B3GALNT2: variants seen among roughly 807,000 people sequenced by gnomAD.
The protein encoded by B3GALNT2 is beta-1,3-N-acetylgalactosaminyltransferase 2, also known as UDP-GalNAc:beta-1,3-N-acetylgalactosaminyltransferase 2.
Under a neutral mutation model 61.1 loss-of-function variants are expected in B3GALNT2, and 53 were observed. That is an observed-to-expected ratio of 0.87 (90% CI 0.70 to 1.09). The LOEUF (loss-of-function observed/expected upper bound fraction) is 1.09, where lower values mean the gene tolerates loss of function less well. B3GALNT2 is among the 50% of genes least tolerant of loss of function. B3GALNT2 has a pLI of 0.00. For synonymous variants in B3GALNT2, 223 were observed against 237.4 expected, an observed-to-expected ratio of 0.94 and a Z score of 0.56; for missense variants, 544 against 623.0, an observed-to-expected ratio of 0.87 and a Z score of 1.35.
intron 5 of B3GALNT2, among the ~76,000 whole-genome samples, chr1:235,472,674 T>C (rs1558423125): frequency 6.6e-6 from 1 of 152,178 alleles, no homozygotes; most frequent in South Asian, 2.1e-4. Flanking sequence ...GAATAAATAA[T>C]GTTGAACTAA....
At chr1:235,502,902 C>T (rs1337782483) in intron 1 of B3GALNT2, among the ~76,000 whole-genome samples, 1 of 152,208 alleles carries the variant, frequency 6.6e-6, no homozygotes, top group Non-Finnish European at 1.5e-5. Flanking sequence ...ACCTAAAAAA[C>T]ACTGAGCAAA....
In B3GALNT2 at chr1:235,454,976, C is replaced by CG. The variant is rs534298824; in HGVS notation, c.1151+582_1151+583insC. On this transcript the variant is annotated intron_variant, in intron 9 of 11. Coordinates refer to ENST00000366600, the MANE Select transcript of B3GALNT2 (RefSeq NM_152490.5). ...TTCAGAGACGTGTCACAAACGTACT[C>CG]TAACAAAATATACAGTAGCTTCTAA... 2.3e-3 allele frequency among the ~76,000 whole-genome samples: 349 copies of CG among 152,240 alleles called. 1 individual carries two copies. The Middle Eastern group carries it at 0.024, about 10-fold the overall frequency.
the B3GALNT2 span, among the ~76,000 whole-genome samples, chr1:235,440,178 G>A: frequency 6.6e-6 from 1 of 152,098 alleles, no homozygotes; most frequent in Non-Finnish European, 1.5e-5. Context: ...CACCGTGTTA[G>A]CCAGGATGGT....
At chr1:235,440,400 A>G in the B3GALNT2 span, among the ~76,000 whole-genome samples, 1 of 151,422 alleles carries the variant, frequency 6.6e-6, no homozygotes, top group Non-Finnish European at 1.5e-5. Context: ...GTATATATAT[A>G]TATTTTTTTG....
chr1:235,503,997 T>G, intron 1 of B3GALNT2, 144 bp downstream of exon 1: 1 of 930,970 alleles, frequency 1.1e-6, no homozygotes, highest in East Asian at 3.9e-5. Flanking sequence ...GCTCCAAGGA[T>G]GAAAAGAGCC....
intron 7 of B3GALNT2, among the ~76,000 whole-genome samples, chr1:235,460,859 C>G (rs1277385860): frequency 6.6e-6 from 1 of 151,954 alleles, no homozygotes; most frequent in Non-Finnish European, 1.5e-5. Flanking sequence ...AGTTCTGGGA[C>G]TACAGGCGAG....
the B3GALNT2 span, among the ~76,000 whole-genome samples, chr1:235,440,171 C>T: frequency 9.9e-5 from 15 of 152,216 alleles, no homozygotes; most frequent in East Asian, 1.9e-4. Context: ...GGGGTTTCAC[C>T]GTGTTAGCCA....
chr1:235,471,296 A>G (rs1683996545), intron 5 of B3GALNT2, among the ~76,000 whole-genome samples: 1 of 152,130 alleles, frequency 6.6e-6, no homozygotes, highest in South Asian at 2.1e-4. Context: ...GAGCAGATAC[A>G]CCCTGATTTA....
intron 6 of B3GALNT2, among the ~76,000 whole-genome samples, chr1:235,468,809 A>G (rs991219620): frequency 1.3e-5 from 2 of 152,196 alleles, no homozygotes; most frequent in African/African-American, 2.4e-5. Flanking sequence ...TGGGTATTTT[A>G]AAGTTTCATA....
chr1:235,481,532 T>C (rs990272853), intron 4 of B3GALNT2, among the ~76,000 whole-genome samples: 1 of 152,150 alleles, frequency 6.6e-6, no homozygotes, highest in Non-Finnish European at 1.5e-5. Flanking sequence ...TTTGTAGAGA[T>C]GGGGTCTCAC....
intron 6 of B3GALNT2, among the ~76,000 whole-genome samples, chr1:235,468,892 T>C (rs1683852709): frequency 6.6e-6 from 1 of 152,230 alleles, no homozygotes; most frequent in South Asian, 2.1e-4. Flanking sequence ...AAAAAATTTT[T>C]CATAAGACTT....
intron 8 of B3GALNT2, among the ~76,000 whole-genome samples, chr1:235,458,201 A>ATT: frequency 6.6e-6 from 1 of 152,140 alleles, no homozygotes; most frequent in East Asian, 1.9e-4. Context: ...CCACCAGCCA[A>ATT]TTTTTGCCGT....
chr1:235,504,103 C>T (rs866235710), intron 1 of B3GALNT2, 38 bp downstream of exon 1: 28 of 1,209,184 alleles, frequency 2.3e-5, no homozygotes, highest in African/African-American at 1.9e-4. Context: ...CTCCCACCCC[C>T]CCGGCGGCCG....
At chr1:235,477,405 G>A (rs1008711645) in intron 5 of B3GALNT2, among the ~76,000 whole-genome samples, 3 of 152,238 alleles carry the variant, frequency 2.0e-5, no homozygotes, top group Non-Finnish European at 4.4e-5. Flanking sequence ...CATTCTAAGC[G>A]AAAATAATAT....
At chr1:235,443,177 C>G (rs190582824), downstream of B3GALNT2, among the ~76,000 whole-genome samples, 1 of 140,870 alleles carries the variant, frequency 7.1e-6, no homozygotes, top group African/African-American at 2.9e-5. Context: ...CACACACACA[C>G]ACACACACAT....
intron 6 of B3GALNT2, among the ~76,000 whole-genome samples, chr1:235,469,114 T>A (rs1683865147): frequency 6.6e-6 from 1 of 152,258 alleles, no homozygotes; most frequent in Admixed American, 6.5e-5. Flanking sequence ...CTCACTGGAC[T>A]GTAAGTTCCA....
Position 235,450,529 on chromosome 1 carries a change from C to G in B3GALNT2, c.1369-189G>C, listed in dbSNP as rs1253284591. 6.6e-6 allele frequency: 4 copies of G among 608,508 alleles called. No individual in the cohort carries two copies. In the South Asian group the frequency reaches 8.3e-5, roughly 13 times the overall value. 37.7% of individuals were successfully genotyped at this position (608,508 alleles called of 1,614,324 possible). On this transcript the variant is annotated intron_variant, in intron 11 of 11. Transcript: ENST00000366600. Reference sequence around the variant, plus strand: ...TGATTTGGGAAAGCACCAGGTCCCACAGTCCTGTGGCTGTGGAATACAGAA... The same window carrying G: ...TGATTTGGGAAAGCACCAGGTCCCAGAGTCCTGTGGCTGTGGAATACAGAA...
rs761997162 is a variant in B3GALNT2, at chr1:235,448,475, A to G, written c.*1731T>C. 1 of 1,588,950 alleles carries G rather than the reference A, an allele frequency of 6.3e-7. No individual in the cohort carries two copies. Among genetic ancestry groups the G allele is most frequent in the Non-Finnish European group, 8.6e-7 (1 of 1,157,248 alleles). On this transcript the variant is annotated 3_prime_UTR_variant, in exon 12 of 12. Transcript: ENST00000366600. ...CCAGCAAAATACAAAGTCAAAGTCA[A>G]GCTTAGTCCTCGTATTATGACATTA...
Position 235,484,339 on chromosome 1 carries a change from A to G in B3GALNT2, c.538T>C (p.Tyr180His), listed in dbSNP as rs772253366. The G allele has an allele frequency of 2.5e-6, 4 of 1,614,044 alleles. No individual in the cohort carries two copies. Among genetic ancestry groups the G allele is most frequent in the African/African-American group, 1.3e-5 (1 of 75,040 alleles). The change falls in exon 4 of 12, where the codon TAT becomes CAT. Residue 180 changes from tyrosine (Y) to histidine (H), a missense_variant. Physicochemically the swap from Tyr to His is moderately conservative, Grantham distance 83. Transcript: ENST00000366600. ...GFQRNITVKL[Y>H]QAEQEEALFI... is the part of the protein sequence containing the mutation. ...GTGCATACCTCTTGTTCTGCCTGATAAAGTTTGACAGTGATGTTCCTCTGG... is the reference window on the plus strand; with the variant it reads ...GTGCATACCTCTTGTTCTGCCTGATGAAGTTTGACAGTGATGTTCCTCTGG...
Sources: gnomAD v4.1 joint callset for allele counts (sites outside exome capture counted in the v4.1 genomes callset) on GRCh38, gnomAD v4.1.1 for gene constraint, MANE v1.5 for transcripts, NCBI Gene and HGNC (gene_info 2026-07-23, HGNC 2026-07-21) for gene names.